The following PPP2R2B variants were observed in gnomAD, a reference collection of about 807,000 sequenced individuals.
The protein encoded by PPP2R2B is protein phosphatase 2 regulatory subunit Bbeta.
A neutral mutation model predicts 46.0 loss-of-function variants in PPP2R2B; 5 were observed. That is an observed-to-expected ratio of 0.11 (90% CI 0.06 to 0.23). PPP2R2B has a LOEUF of 0.23. Ranked by LOEUF, PPP2R2B falls within the 10% of genes least tolerant of loss-of-function variation. PPP2R2B has a pLI of 1.00. For synonymous variants in PPP2R2B, 215 were observed against 206.7 expected (o/e 1.04, Z -0.34); for missense variants, 367 against 575.0 (o/e 0.64, Z 3.70).
At chr5:146,900,554 T>TCTTCCTTCCTTCCTTCCTTC (rs145747835) in intron 1 of PPP2R2B, among the ~76,000 whole-genome samples, 1 of 110,054 alleles carries the variant, frequency 9.1e-6, no homozygotes. Flanking sequence ...TTCCTTCCTT[T>TCTTCCTTCCTTCCTTCCTTC]CTTCCTTCCT....
chr5:146,627,419 T>C (rs1774137888), intron 7 of PPP2R2B, among the ~76,000 whole-genome samples: 1 of 152,180 alleles, frequency 6.6e-6, no homozygotes, highest in Non-Finnish European at 1.5e-5. Context: ...GTGGCTTACT[T>C]ACCAGGGGTT....
At chr5:146,881,250 G>A (rs976422849), upstream of PPP2R2B, among the ~76,000 whole-genome samples, 2 of 151,906 alleles carry the variant, frequency 1.3e-5, no homozygotes, top group African/African-American at 2.4e-5. Flanking sequence ...TCCCTGCTTC[G>A]TTGAGGCATT....
intron 1 of PPP2R2B, among the ~76,000 whole-genome samples, chr5:146,923,760 C>T (rs929424474): frequency 6.6e-6 from 1 of 152,162 alleles, no homozygotes; most frequent in African/African-American, 2.4e-5. Context: ...TCATAAAAGA[C>T]ACATGCACAC....
chr5:146,974,083 G>T (rs1363508955), intron 1 of PPP2R2B, among the ~76,000 whole-genome samples: 1 of 152,124 alleles, frequency 6.6e-6, no homozygotes, highest in Non-Finnish European at 1.5e-5. Context: ...AGTTAGAAAA[G>T]AGTAAACTCT....
chr5:146,656,972 C>T (rs1024880401), intron 5 of PPP2R2B, among the ~76,000 whole-genome samples: 1 of 152,200 alleles, frequency 6.6e-6, no homozygotes, highest in African/African-American at 2.4e-5. Flanking sequence ...TCTTTAACTT[C>T]CCAGAACGCA....
chr5:146,674,049 A>G (rs1285663371), intron 5 of PPP2R2B, among the ~76,000 whole-genome samples: 1 of 152,168 alleles, frequency 6.6e-6, no homozygotes, highest in African/African-American at 2.4e-5. Flanking sequence ...TTATAAATGT[A>G]TTCTTCCATC....
chr5:147,077,110 ATGT>A (rs1580891451), intron 2 of PPP2R2B, among the ~76,000 whole-genome samples: 5 of 147,708 alleles, frequency 3.4e-5, no homozygotes, highest in African/African-American at 9.8e-5. Context: ...AATATATAAT[ATGT>A]AATATTGTAT....
chr5:146,873,641 C>G (rs1761735495), intron 2 of PPP2R2B, among the ~76,000 whole-genome samples: 2 of 152,146 alleles, frequency 1.3e-5, no homozygotes, highest in African/African-American at 4.8e-5. Context: ...GAGATGGAGT[C>G]TCGCTCTGTC....
intron 5 of PPP2R2B, among the ~76,000 whole-genome samples, chr5:146,657,646 T>C (rs1776420850): frequency 6.7e-6 from 1 of 150,240 alleles, no homozygotes; most frequent in Admixed American, 6.7e-5. Context: ...TCCTGAATCT[T>C]ACTAAGGTGT....
intron 2 of PPP2R2B, among the ~76,000 whole-genome samples, chr5:146,758,737 A>G (rs1753982746): frequency 6.6e-6 from 1 of 152,174 alleles, no homozygotes; most frequent in Non-Finnish European, 1.5e-5. Flanking sequence ...GGGGAATGGA[A>G]GGACACTGGT....
At chr5:146,817,126 C>A (rs559428947) in intron 2 of PPP2R2B, among the ~76,000 whole-genome samples, 1 of 152,190 alleles carries the variant, frequency 6.6e-6, no homozygotes, top group African/African-American at 2.4e-5. Flanking sequence ...GATCCCCACA[C>A]AATTCATGTT....
At chr5:146,931,485 A>G (rs1763968287) in intron 1 of PPP2R2B, among the ~76,000 whole-genome samples, 1 of 152,144 alleles carries the variant, frequency 6.6e-6, no homozygotes, top group Non-Finnish European at 1.5e-5. Flanking sequence ...AGGGTACCCT[A>G]TAGCACCAAT....
intron 2 of PPP2R2B, among the ~76,000 whole-genome samples, chr5:146,873,710 C>T (rs573508133): frequency 2.6e-4 from 39 of 152,278 alleles, no homozygotes; most frequent in Middle Eastern, 6.8e-3. Context: ...CTCCTGGGTT[C>T]ATGCGATTTC....
intron 2 of PPP2R2B, among the ~76,000 whole-genome samples, chr5:146,753,666 A>G (rs1382084508): frequency 6.6e-6 from 1 of 152,120 alleles, no homozygotes; most frequent in African/African-American, 2.4e-5. Flanking sequence ...GAGAAGTGGG[A>G]GGACCCAGAG....
At chr5:147,003,043 A>G (rs1365173933) in intron 1 of PPP2R2B, among the ~76,000 whole-genome samples, 1 of 152,164 alleles carries the variant, frequency 6.6e-6, no homozygotes, top group Non-Finnish European at 1.5e-5. Context: ...ACCTGAGGGA[A>G]GTATAAATTA....
intron 5 of PPP2R2B, among the ~76,000 whole-genome samples, chr5:146,664,061 T>C (rs1211896806): frequency 6.6e-6 from 1 of 152,108 alleles, no homozygotes; most frequent in African/African-American, 2.4e-5. Context: ...AGGCTGGTCT[T>C]GAACTCCTGA....
At chr5:146,726,461 T>C (rs181067197) in intron 2 of PPP2R2B, among the ~76,000 whole-genome samples, 114 of 152,290 alleles carry the variant, frequency 7.5e-4, no homozygotes, top group African/African-American at 2.6e-3. Context: ...ACCCTGATTA[T>C]TAACAATAGT....
At chr5:146,866,686 A>G (rs952918621) in intron 2 of PPP2R2B, among the ~76,000 whole-genome samples, 1 of 152,166 alleles carries the variant, frequency 6.6e-6, no homozygotes, top group Non-Finnish European at 1.5e-5. Context: ...TATATACATC[A>G]TATGTAGTAT....
At chr5:146,990,304 AG>A (rs1753638090) in intron 1 of PPP2R2B, among the ~76,000 whole-genome samples, 1 of 152,042 alleles carries the variant, frequency 6.6e-6, no homozygotes, top group Admixed American at 6.6e-5. Flanking sequence ...CAAAGCTGCA[AG>A]CATTACACTA....
Sources: allele counts gnomAD v4.1 joint callset (sites outside exome capture counted in the v4.1 genomes callset), GRCh38; gene constraint gnomAD v4.1.1; transcripts MANE v1.5; gene names NCBI Gene and HGNC (gene_info 2026-07-23, HGNC 2026-07-21).